ZNF418: variants seen among roughly 807,000 people sequenced by gnomAD.
ZNF418 encodes the protein zinc finger protein 418.
Under a neutral mutation model 32.0 loss-of-function variants are expected in ZNF418, and 32 were observed. The ratio of observed to expected loss-of-function variants is 1.00; its 90% confidence interval spans 0.75 to 1.34. The LOEUF (loss-of-function observed/expected upper bound fraction) is 1.34, where lower values mean the gene tolerates loss of function less well. Among genes scored for constraint, ZNF418 ranks in the 40% most tolerant of loss-of-function variants. The pLI, the probability that ZNF418 is intolerant of heterozygous loss-of-function variation, is 0.00. For missense variants in ZNF418, 804 were observed against 812.5 expected (o/e 0.99, Z 0.13); for synonymous variants, 276 against 270.7 (o/e 1.02, Z -0.19).
At chr19:57,924,797 C>T (rs1456212968) in intron 4 of ZNF418, among the ~76,000 whole-genome samples, 1 of 152,008 alleles carries the variant, frequency 6.6e-6, no homozygotes, top group East Asian at 1.9e-4. Flanking sequence ...GAGGATGTCA[C>T]AAACACTGTT....
At chr19:57,928,298 T>C (rs2072335775) in intron 3 of ZNF418, among the ~76,000 whole-genome samples, 1 of 152,126 alleles carries the variant, frequency 6.6e-6, no homozygotes, top group Non-Finnish European at 1.5e-5. Flanking sequence ...ATTTTTTTTT[T>C]CTTCTTGAGA....
chr19:57,928,152 T>A, intron 3 of ZNF418, 105 bp from the exon 4 acceptor site: 1 of 998,686 alleles, frequency 1.0e-6, no homozygotes, highest in South Asian at 1.8e-5. Context: ...ATGGAAATAT[T>A]TGCAGGAACA....
chr19:57,934,191 G>C, intron 1 of ZNF418: 1 of 1,151,692 alleles, frequency 8.7e-7, no homozygotes, highest in African/African-American at 1.6e-5. Context: ...GGGGAATAAG[G>C]CCAGTGAGGG....
At chr19:57,934,750 A>T (rs1338843632) in intron 1 of ZNF418, 1 of 242,336 alleles carries the variant, frequency 4.1e-6, no homozygotes, top group Non-Finnish European at 7.9e-6. Flanking sequence ...CATCTCCTCT[A>T]CTATGTTCTT....
chr19:57,932,496 G>A, intron 2 of ZNF418: 2 of 1,535,284 alleles, frequency 1.3e-6, no homozygotes, highest in Non-Finnish European at 1.7e-6. Context: ...CTTCTTGCAT[G>A]GCTCCACATC....
Position 57,926,459 on chromosome 19 carries a change from G to T in ZNF418, c.1722C>A (p.Phe574Leu), listed in dbSNP as rs781101686. Residue 574 changes from phenylalanine to leucine, a missense_variant, in exon 4 of 6, where the codon TTC becomes TTA. This residue lies in a region of ZNF418 where 475 missense variants were observed against 458.6 expected (regional missense o/e 1.04). Transcript: ENST00000396147. ...TCCTGTGTTCAAGGAGACTGGAGAA[G>T]AATTTCCCACATTCTCTGCACTCAT... Reference protein sequence around the residue: ...RPYECRECGKFFSSLLEHRRV... With the variant: ...RPYECRECGKLFSSLLEHRRV... 6.2e-7 allele frequency: 1 copy of T among 1,613,730 alleles called. No homozygotes were observed. The highest frequency in any genetic ancestry group is 1.1e-5 in the South Asian group (1 of 91,056).
chr19:57,929,312 C>G (rs558325515), intron 3 of ZNF418, among the ~76,000 whole-genome samples: 85 of 152,266 alleles, frequency 5.6e-4, no homozygotes, highest in Admixed American at 1.1e-3. Context: ...TGCCCTCCCA[C>G]CAGGTGCCAC....
chr19:57,922,327 T>G lies in ZNF418; in HGVS notation c.*928A>C. 2 of 364,898 alleles carry G rather than the reference T, an allele frequency of 5.5e-6. No individual in the cohort carries two copies. The highest frequency in any genetic ancestry group is 3.9e-5 in the East Asian group (1 of 25,374). 22.6% of individuals were successfully genotyped at this position (364,898 alleles called of 1,614,324 possible). A position where few individuals can be genotyped will look rare whatever the true frequency, so the allele number is the denominator to read the frequency against. ...CATCAATCGAGAAGAGAGGGGAGGG[T>G]ATGCAAAATAAAAATGTTAGAAAAT... is the stretch of plus-strand genomic sequence containing the variant. On this transcript the variant is annotated 3_prime_UTR_variant, in exon 6 of 6. Transcript: ENST00000396147.
chr19:57,924,988 C>A lies in ZNF418; in HGVS notation c.*527+635G>T, dbSNP rs993225202. Among the ~76,000 whole-genome samples the A allele has an allele frequency of 6.6e-5, 10 of 152,224 alleles. No individual in the cohort carries two copies. In the Middle Eastern group the frequency reaches 0.01, roughly 155 times the overall value. ...CTGAGGCACACAAAGTCTAGTGATC[C>A]CAACAAAAGCTGTCTGCCCCTTTAT... On this transcript the variant is annotated intron_variant, in intron 4 of 5. Coordinates refer to ENST00000396147, the MANE Select transcript of ZNF418 (RefSeq NM_133460.3).
chr19:57,932,033 C>T (rs2072507951), intron 2 of ZNF418, among the ~76,000 whole-genome samples: 1 of 152,224 alleles, frequency 6.6e-6, no homozygotes, highest in African/African-American at 2.4e-5. Flanking sequence ...CAGAGAGGGC[C>T]ACATGGGGGT....
Position 57,927,938 on chromosome 19 carries a change from G to A in ZNF418, c.243C>T (p.Ala81=), listed in dbSNP as rs7253514. 0.26 allele frequency: 424,471 copies of A among 1,613,220 alleles called. 58,646 individuals are homozygous for A. Among genetic ancestry groups the A allele is most frequent in the East Asian group, 0.5 (22,527 of 44,816 alleles). ...TPGAGVSPKK[A]HSCEMCGAIL... ...TCGCGCCACACATTTCACAAGAGTG[G>A]GCCTTCTTGGGAGACACACCTGCCC... Residue 81 remains alanine, a synonymous_variant, in exon 4 of 6, where the codon GCC becomes GCT. Coordinates refer to ENST00000396147, the MANE Select transcript of ZNF418 (RefSeq NM_133460.3).
rs1257480729 is a variant in ZNF418, at chr19:57,935,204, C to G, written c.-124G>C. On this transcript the variant is annotated 5_prime_UTR_variant, in exon 1 of 6. Transcript: ENST00000396147. ...CGCGGCCGCCGCCATCCCGAGTACG[C>G]GGGGAAAGCACTGCCGGGAGCGGCG... 3 of 1,290,430 alleles carry G rather than the reference C, an allele frequency of 2.3e-6. No homozygotes were observed. The highest frequency in any genetic ancestry group is 3.0e-6 in the Non-Finnish European group (3 of 999,878). The allele number at this position is 1,290,430 out of a possible 1,614,324, so 79.9% of individuals were successfully genotyped here. A position where few individuals can be genotyped will look rare whatever the true frequency, so the allele number is the denominator to read the frequency against.
In ZNF418 at chr19:57,928,045, A is replaced by T. The variant is rs1352575310; in HGVS notation, c.136T>A (p.Cys46Ser). ...ENWVLISSLGCWCGSEDEEAP... is the reference protein window; with the variant it reads ...ENWVLISSLGSWCGSEDEEAP... ...TCCTCATCTTCTGATCCACACCAAC[A>T]ACCTGAAAGCAAGAAAATGCTGATG... Residue 46 changes from cysteine (C) to serine (S), a missense_variant and splice_region_variant, in exon 4 of 6, where the codon TGT becomes AGT. By Grantham distance (112) the Cys-to-Ser change is moderately radical (BLOSUM62 -1). This residue lies in a region of ZNF418 where 307 missense variants were observed against 304.9 expected (regional missense o/e 1.01). Transcript: ENST00000396147. 4.6e-6 allele frequency: 7 copies of T among 1,524,584 alleles called. No homozygotes were observed. The highest frequency in any genetic ancestry group is 6.2e-6 in the Non-Finnish European group (7 of 1,134,472). The allele number at this position is 1,524,584 out of a possible 1,614,324, so 94.4% of individuals were successfully genotyped here. A position where few individuals can be genotyped will look rare whatever the true frequency, so the allele number is the denominator to read the frequency against.
rs773168603 is a variant in ZNF418 at position 57,927,555 on chromosome 19, A to C, written c.626T>G (p.Met209Arg). 2 of 1,614,232 alleles carry C rather than the reference A, an allele frequency of 1.2e-6. No homozygotes were observed. Among genetic ancestry groups the C allele is most frequent in the South Asian group, 1.1e-5 (1 of 91,082 alleles). The change falls in exon 4 of 6, where the codon ATG becomes AGG. Residue 209 changes from methionine (M) to arginine (R), a missense_variant. Met to Arg is a moderately conservative substitution (Grantham distance 91). Transcript: ENST00000396147. ...GDTHYSCGEC[M>R]KHSSTKHVFV... ...TACGTGTTTGGTGCTAGAATGTTTC[A>C]TGCATTCTCCACAGCTGTAATGAGT...
rs1176292839 is a variant in ZNF418 at position 57,927,543 on chromosome 19, C to T, written c.638G>A (p.Ser213Asn). The T allele has an allele frequency of 6.2e-7, 1 of 1,614,230 alleles. No individual in the cohort carries two copies. The highest frequency in any genetic ancestry group is 1.3e-5 in the African/African-American group (1 of 75,068). The change falls in exon 4 of 6, where the codon AGC (serine) becomes AAC (asparagine). Residue 213 changes from serine to asparagine, a missense_variant. Physicochemically the swap from Ser to Asn is conservative, Grantham distance 46. Transcript: ENST00000396147. ...CTGTTGAACAAATACGTGTTTGGTGCTAGAATGTTTCATGCATTCTCCACA... is the reference window on the plus strand; with the variant it reads ...CTGTTGAACAAATACGTGTTTGGTGTTAGAATGTTTCATGCATTCTCCACA... ...YSCGECMKHS[S>N]TKHVFVQQQR...
rs780997280 is a variant in ZNF418 at position 57,927,958 on chromosome 19, C to G, written c.223G>C (p.Gly75Arg). 1.9e-6 allele frequency: 3 copies of G among 1,612,760 alleles called. No individual in the cohort carries two copies. Among genetic ancestry groups the G allele is most frequent in the Non-Finnish European group, 1.7e-6 (2 of 1,179,188 alleles). Residue 75 changes from glycine to arginine, a missense_variant, in exon 4 of 6, where the codon GGT becomes CGT. Gly to Arg is a moderately radical substitution (Grantham distance 125). Around this residue, in one of 3 missense-constraint regions of ZNF418, gnomAD observed 307 missense variants for 304.9 expected, o/e 1.01. Transcript: ENST00000396147. ...RVSQVSTPGA[G>R]VSPKKAHSCE... Reference sequence around the variant, plus strand: ...GAGTGGGCCTTCTTGGGAGACACACCTGCCCCAGGAGTGCTGACCTGAGAC... The same window carrying G: ...GAGTGGGCCTTCTTGGGAGACACACGTGCCCCAGGAGTGCTGACCTGAGAC...
intron 3 of ZNF418, among the ~76,000 whole-genome samples, chr19:57,929,664 C>T (rs1326586819): frequency 1.3e-5 from 2 of 151,574 alleles, no homozygotes; most frequent in African/African-American, 4.9e-5. Context: ...GGAAAGGAAA[C>T]TAATTACTAA....
chr19:57,933,380 C>A (rs567524569), intron 2 of ZNF418, among the ~76,000 whole-genome samples: 3 of 152,234 alleles, frequency 2.0e-5, no homozygotes, highest in Admixed American at 2.0e-4. Flanking sequence ...GAGATCAAGA[C>A]CATCTGGCTA....
rs762913969 is a variant in ZNF418, at chr19:57,926,057, C to G, written c.*93G>C. 9.3e-7 allele frequency: 1 copy of G among 1,080,866 alleles called. No homozygotes were observed. The highest frequency in any genetic ancestry group is 2.5e-5 in the Admixed American group (1 of 39,810). 67.0% of individuals were successfully genotyped at this position (1,080,866 alleles called of 1,614,324 possible). ...AGACTTCTGCATAAAGAATATCCCA[C>G]GTTTGTCACACTCATAAGGTCCTGA... On this transcript the variant is annotated 3_prime_UTR_variant, in exon 4 of 6. Transcript: ENST00000396147.
Sources: gnomAD v4.1 joint callset for allele counts (sites outside exome capture counted in the v4.1 genomes callset) on GRCh38, gnomAD v4.1.1 for gene constraint, gnomAD v4.1.1 regional missense constraint, MANE v1.5 for transcripts, NCBI Gene and HGNC (gene_info 2026-07-23, HGNC 2026-07-21) for gene names.